Variants in MRTFB observed in about 807,000 individuals in gnomAD.
MRTFB encodes the protein myocardin related transcription factor B.
In MRTFB, 29 loss-of-function variants were observed where a neutral mutation model predicts 104.2. The observed-to-expected ratio is 0.28, with a 90% confidence interval of 0.21 to 0.38. The LOEUF (loss-of-function observed/expected upper bound fraction) is 0.38. Among genes scored for constraint, MRTFB ranks in the 10% least tolerant of loss-of-function variants. MRTFB has a pLI of 1.00. For missense variants in MRTFB, 1,270 were observed against 1,341.6 expected (o/e 0.95, Z 0.83); for synonymous variants, 535 against 519.5 (o/e 1.03, Z -0.41).
chr16:14,217,459 G>C (rs2041477457), intron 7 of MRTFB, among the ~76,000 whole-genome samples, 172 bp downstream of exon 7: 1 of 152,174 alleles, frequency 6.6e-6, no homozygotes, highest in Non-Finnish European at 1.5e-5. Flanking sequence ...TATAAGTCTA[G>C]TATCTGCCGC....
the MRTFB span, among the ~76,000 whole-genome samples, chr16:14,033,835 C>CAAAAAA: frequency 9.9e-5 from 9 of 90,484 alleles, no homozygotes; most frequent in East Asian, 3.0e-4. Flanking sequence ...GACTCAGTCT[C>CAAAAAA]AAAAAAAAAA....
the MRTFB span, among the ~76,000 whole-genome samples, chr16:14,028,089 A>C: frequency 4.4e-3 from 672 of 152,332 alleles, 4 homozygotes; most frequent in African/African-American, 0.016. Context: ...AGGCATGAGA[A>C]TAGCTTGAAC....
intron 2 of MRTFB, among the ~76,000 whole-genome samples, chr16:14,098,599 G>A (rs1259520308): frequency 6.6e-6 from 1 of 152,102 alleles, no homozygotes; most frequent in Non-Finnish European, 1.5e-5. Context: ...TATGCATTGT[G>A]TTTTTGGTGT....
chr16:14,173,113 G>GT (rs969212978), intron 3 of MRTFB, among the ~76,000 whole-genome samples: 2 of 152,168 alleles, frequency 1.3e-5, no homozygotes, highest in Non-Finnish European at 2.9e-5. Context: ...TCCTCTTGGA[G>GT]TTTTTTTGTT....
intron 10 of MRTFB, 36 bp from the exon 11 acceptor site, chr16:14,245,487 ATTATT>A (rs2042971246): frequency 1.3e-6 from 2 of 1,550,842 alleles, no homozygotes; most frequent in Non-Finnish European, 1.7e-6. Context: ...AAATCTAGAA[ATTATT>A]TTATTATAAA....
At chr16:14,123,974 GATCCCTCAC>G (rs1332802180) in intron 2 of MRTFB, among the ~76,000 whole-genome samples, 2 of 152,136 alleles carry the variant, frequency 1.3e-5, no homozygotes, top group African/African-American at 4.8e-5. Context: ...TCCTTGAAGA[GATCCCTCAC>G]ATCCCTTGTA....
At chr16:14,089,823 A>G (rs1227210029) in intron 2 of MRTFB, among the ~76,000 whole-genome samples, 2 of 152,212 alleles carry the variant, frequency 1.3e-5, no homozygotes, top group South Asian at 2.1e-4. Context: ...TTTTCGTAGT[A>G]GCCATCCTAA....
the MRTFB span, among the ~76,000 whole-genome samples, chr16:14,063,010 A>G: frequency 2.0e-5 from 3 of 152,224 alleles, no homozygotes; most frequent in Non-Finnish European, 4.4e-5. Flanking sequence ...AGTTGCAAGG[A>G]AGGCAGGAGA....
At chr16:14,235,204 G>T (rs935001972) in intron 9 of MRTFB, among the ~76,000 whole-genome samples, 1 of 152,166 alleles carries the variant, frequency 6.6e-6, no homozygotes, top group Non-Finnish European at 1.5e-5. Context: ...AAGTCGCCGG[G>T]ACTGTCCCTG....
intron 10 of MRTFB, among the ~76,000 whole-genome samples, chr16:14,243,213 A>C (rs187703232): frequency 6.6e-6 from 1 of 152,266 alleles, no homozygotes; most frequent in Admixed American, 6.5e-5. Context: ...TCATCCAATG[A>C]TAAGAAACTT....
the MRTFB span, among the ~76,000 whole-genome samples, chr16:14,050,969 G>A: frequency 8.5e-5 from 13 of 152,090 alleles, no homozygotes; most frequent in East Asian, 5.8e-4. Context: ...CTCCTGTCTC[G>A]GCCGACTTAT....
At chr16:14,024,640 A>C in the MRTFB span, among the ~76,000 whole-genome samples, 2 of 152,232 alleles carry the variant, frequency 1.3e-5, no homozygotes, top group African/African-American at 4.8e-5. Context: ...TCATAATACC[A>C]AAAATGGGAC....
intron 3 of MRTFB, chr16:14,186,581 AG>A (rs1446335993): frequency 1.2e-4 from 58 of 464,074 alleles, no homozygotes; most frequent in African/African-American, 1.1e-3. Flanking sequence ...TGCAGACTGA[AG>A]TCCCCAGCGC....
chr16:14,265,193 T>C lies in MRTFB; in HGVS notation c.*3749T>C, dbSNP rs1248983635. The C allele has an allele frequency of 6.6e-6, 1 of 152,208 alleles. No individual in the cohort carries two copies. Among genetic ancestry groups the C allele is most frequent in the Non-Finnish European group, 1.5e-5 (1 of 68,038 alleles). The allele number at this position is 152,208 out of a possible 1,614,324, so 9.4% of individuals were successfully genotyped here. A position where few individuals can be genotyped will look rare whatever the true frequency, so the allele number is the denominator to read the frequency against. On this transcript the variant is annotated 3_prime_UTR_variant, in exon 17 of 17. Transcript: ENST00000571589. ...ACTTTTTAGAGAAATGTAAAGAGAATAGCTATTCAGTGTCTACTAGCAGAG... is the reference window on the plus strand; with the variant it reads ...ACTTTTTAGAGAAATGTAAAGAGAACAGCTATTCAGTGTCTACTAGCAGAG...
At chr16:14,220,565 C>G (rs1026178687) in intron 8 of MRTFB, among the ~76,000 whole-genome samples, 17 of 152,212 alleles carry the variant, frequency 1.1e-4, no homozygotes, top group African/African-American at 3.9e-4. Context: ...AAGAGGCATT[C>G]CCACACAGTG....
At chr16:14,023,610 C>CATATACATATACAT in the MRTFB span, among the ~76,000 whole-genome samples, 596 of 106,960 alleles carry the variant, frequency 5.6e-3, 8 homozygotes, top group African/African-American at 0.015. Context: ...CACACACACA[C>CATATACATATACAT]ATACATATAC....
the MRTFB span, among the ~76,000 whole-genome samples, chr16:14,046,634 G>A: frequency 6.6e-6 from 1 of 152,162 alleles, no homozygotes; most frequent in South Asian, 2.1e-4. Flanking sequence ...CGCCCTAAAG[G>A]TGCTAATCCT....
chr16:14,181,639 AT>A (rs1196982510), intron 3 of MRTFB, among the ~76,000 whole-genome samples: 1 of 152,156 alleles, frequency 6.6e-6, no homozygotes, highest in Admixed American at 6.5e-5. Flanking sequence ...TATTTTATTC[AT>A]TACTCTTGAA....
chr16:14,169,089 C>T (rs2039341033), intron 3 of MRTFB, among the ~76,000 whole-genome samples: 1 of 152,090 alleles, frequency 6.6e-6, no homozygotes, highest in Non-Finnish European at 1.5e-5. Flanking sequence ...ACAGTGAGCT[C>T]TCATGTATAC....
Sources: allele counts gnomAD v4.1 joint callset (sites outside exome capture counted in the v4.1 genomes callset), GRCh38; gene constraint gnomAD v4.1.1; transcripts MANE v1.5; gene names NCBI Gene and HGNC (gene_info 2026-07-23, HGNC 2026-07-21).